GRHL2: variants seen among roughly 807,000 people sequenced by gnomAD.
GRHL2 encodes the protein grainyhead like transcription factor 2, also known as grainyhead-like protein 2 homolog.
In GRHL2, 21 loss-of-function variants were observed where a neutral mutation model predicts 83.8. The observed-to-expected ratio is 0.25, with a 90% CI of 0.18 to 0.36. GRHL2 has a LOEUF of 0.36. Among genes scored for constraint, GRHL2 ranks in the 10% least tolerant of loss-of-function variants. GRHL2 has a pLI of 1.00. For synonymous variants in GRHL2, 280 were observed against 278.9 expected, an observed-to-expected ratio of 1.00 and a Z score of -0.04; for missense variants, 623 against 781.8, an observed-to-expected ratio of 0.80 and a Z score of 2.42.
chr8:101,534,151 T>C (rs1810993576), intron 1 of GRHL2, among the ~76,000 whole-genome samples: 1 of 152,208 alleles, frequency 6.6e-6, no homozygotes, highest in South Asian at 2.1e-4. Context: ...TCTCAAAACT[T>C]AGCAGCTAAA....
At chr8:101,623,658 CACAGTACACAGTAGGACAGTTT>C (rs1231228118) in intron 9 of GRHL2, among the ~76,000 whole-genome samples, 5 of 104,248 alleles carry the variant, frequency 4.8e-5, no homozygotes, top group African/African-American at 1.0e-4. Flanking sequence ...TAAGACAGTT[CACAGTACACAGTAGGACAGTTT>C]ACAGTACACA....
intron 14 of GRHL2, among the ~76,000 whole-genome samples, chr8:101,661,026 TG>T (rs1256454191): frequency 1.3e-5 from 2 of 152,248 alleles, no homozygotes; most frequent in South Asian, 2.1e-4. Context: ...TAACCCTATG[TG>T]CCGAGCTTGT....
At chr8:101,507,501 A>G (rs997940616) in intron 1 of GRHL2, among the ~76,000 whole-genome samples, 1 of 152,172 alleles carries the variant, frequency 6.6e-6, no homozygotes, top group East Asian at 1.9e-4. Flanking sequence ...ACTGTTAACA[A>G]TTTGAAATCT....
rs546186941 is a variant in GRHL2 at position 101,593,683 on chromosome 8, A to T, written c.1004-5374A>T. 6.6e-5 allele frequency among the ~76,000 whole-genome samples: 10 copies of T among 152,190 alleles called. No individual in the cohort carries two copies. In the South Asian group the frequency reaches 2.1e-3, roughly 32 times the overall value. The stretch of plus-strand genomic sequence containing the variant: ...GTAAATATGACCTTATTTCAGAAAA[A>T]GATCTTTGCAGATTGTGATTAAGGA... On this transcript the variant is annotated intron_variant, in intron 7 of 15. Coordinates refer to ENST00000646743, the MANE Select transcript of GRHL2 (RefSeq NM_024915.4).
At chr8:101,674,123 C>T (rs907563923), downstream of GRHL2, among the ~76,000 whole-genome samples, 10 of 152,180 alleles carry the variant, frequency 6.6e-5, no homozygotes, top group Admixed American at 6.5e-4. Context: ...CCAAAATTGA[C>T]ACCCTAACGT....
chr8:101,584,292 A>G (rs905722925), intron 7 of GRHL2, among the ~76,000 whole-genome samples: 3 of 152,200 alleles, frequency 2.0e-5, no homozygotes, highest in African/African-American at 7.2e-5. Flanking sequence ...ATAGAAATCT[A>G]TTTCTTAAGA....
chr8:101,493,865 C>T (rs560407), intron 1 of GRHL2, among the ~76,000 whole-genome samples: 76,545 of 151,552 alleles, frequency 0.51, 23,490 homozygotes, highest in Non-Finnish European at 0.7. Flanking sequence ...GTCCTGACGG[C>T]CTCCCCCCTG....
chr8:101,552,653 G>A, intron 2 of GRHL2, 62 bp from the exon 3 acceptor site: 2 of 1,501,412 alleles, frequency 1.3e-6, no homozygotes, highest in Non-Finnish European at 1.9e-6. Flanking sequence ...CCGGTGTCCA[G>A]CTCTGAACAT....
At position 101,570,371 on chromosome 8, in the gene GRHL2, G is replaced by A. The variant is rs890916239; in HGVS notation, c.711G>A (p.Glu237=). 25 of 1,613,920 alleles carry A rather than the reference G, an allele frequency of 1.5e-5. No homozygotes were observed. Among genetic ancestry groups the A allele is most frequent in the Non-Finnish European group, 2.1e-5 (25 of 1,179,836 alleles). The change falls in exon 5 of 16, where the codon GAG becomes GAA. Residue 237 remains glutamate (E), a synonymous_variant. Coordinates refer to ENST00000646743, the MANE Select transcript of GRHL2 (RefSeq NM_024915.4). ...KFRSASVGAE[E]YMYDQTSSGT... ...GGAGTGCTTCAGTTGGGGCTGAGGA[G>A]TACATGTATGATCAGACATCAAGGT...
chr8:101,644,366 T>G (rs1461885865), intron 13 of GRHL2, 141 bp downstream of exon 13: 3 of 699,348 alleles, frequency 4.3e-6, no homozygotes, highest in Admixed American at 2.1e-5. Context: ...GTCCACAGTC[T>G]TCTTCTTTGC....
At chr8:101,503,885 CTT>C (rs534957122) in intron 1 of GRHL2, among the ~76,000 whole-genome samples, 131 of 152,226 alleles carry the variant, frequency 8.6e-4, no homozygotes, top group African/African-American at 2.8e-3. Context: ...GGTTTTCTCT[CTT>C]AAGTATAAAA....
At chr8:101,507,795 T>A (rs957394233) in intron 1 of GRHL2, among the ~76,000 whole-genome samples, 22 of 78,294 alleles carry the variant, frequency 2.8e-4, no homozygotes, top group East Asian at 1.1e-3. Context: ...TTTTTTTTTT[T>A]AGACAAGAGT....
At chr8:101,599,215 T>C in intron 8 of GRHL2, 64 bp downstream of exon 8, 1 of 1,098,400 alleles carries the variant, frequency 9.1e-7, no homozygotes, top group Non-Finnish European at 1.4e-6. Flanking sequence ...AGTTTATTCT[T>C]TTTTAAAAGC....
At chr8:101,596,545 A>G (rs748792967) in intron 7 of GRHL2, among the ~76,000 whole-genome samples, 23 of 152,252 alleles carry the variant, frequency 1.5e-4, no homozygotes, top group Non-Finnish European at 3.2e-4. Flanking sequence ...CAAGCAAAAT[A>G]AAGTCCTGGC....
intron 1 of GRHL2, among the ~76,000 whole-genome samples, chr8:101,497,770 TATATGCA>T (rs1482478758): frequency 2.0e-5 from 3 of 152,244 alleles, no homozygotes; most frequent in African/African-American, 7.2e-5. Context: ...AGATGCAATT[TATATGCA>T]ACTTTTCAGG....
chr8:101,670,049 G>A (rs114271725), downstream of GRHL2, among the ~76,000 whole-genome samples: 1,365 of 152,224 alleles, frequency 9.0e-3, 22 homozygotes, highest in African/African-American at 0.031. Context: ...CCACTCGCCC[G>A]CCCTTGAATT....
intron 1 of GRHL2, among the ~76,000 whole-genome samples, chr8:101,501,504 G>A (rs1044268026): frequency 6.6e-6 from 1 of 152,192 alleles, no homozygotes; most frequent in African/African-American, 2.4e-5. Flanking sequence ...GAGAGGAGTG[G>A]AGAAAGGAGA....
At chr8:101,525,478 A>C (rs1289761086) in intron 1 of GRHL2, among the ~76,000 whole-genome samples, 1 of 152,162 alleles carries the variant, frequency 6.6e-6, no homozygotes, top group Non-Finnish European at 1.5e-5. Context: ...GATAGTTATA[A>C]AGCATATTAA....
chr8:101,535,684 G>A (rs140662333), intron 1 of GRHL2, among the ~76,000 whole-genome samples: 7,858 of 151,862 alleles, frequency 0.052, 309 homozygotes, highest in African/African-American at 0.12. Flanking sequence ...GATTACAGGC[G>A]CGCACCACCA....
Sources: gnomAD v4.1 joint callset for allele counts (sites outside exome capture counted in the v4.1 genomes callset) on GRCh38, gnomAD v4.1.1 for gene constraint, MANE v1.5 for transcripts, NCBI Gene and HGNC (gene_info 2026-07-23, HGNC 2026-07-21) for gene names.